The following NREP variants were observed in gnomAD, a reference collection of about 807,000 sequenced individuals.
NREP encodes neuronal regeneration-related protein.
A neutral mutation model predicts 8.6 loss-of-function variants in NREP; 5 were observed. That is an observed-to-expected ratio of 0.58 (90% confidence interval 0.30 to 1.22). The LOEUF (loss-of-function observed/expected upper bound fraction) is 1.22. Ranked by LOEUF, NREP falls within the 50% of genes most tolerant of loss-of-function variation. The probability of loss-of-function intolerance (pLI) is 0.07; values close to 1 mark genes in which losing one functional copy is unlikely to be tolerated. For missense variants in NREP, 86 were observed against 82.5 expected (o/e 1.04, Z -0.17); for synonymous variants, 27 against 28.0 (o/e 0.96, Z 0.11).
intron 2 of NREP, among the ~76,000 whole-genome samples, chr5:111,771,452 CACACACACACACAT>C (rs1751225382): frequency 6.6e-6 from 1 of 151,714 alleles, no homozygotes; most frequent in Non-Finnish European, 1.5e-5. Context: ...CACACACACA[CACACACACACACAT>C]ATGCACACTT....
chr5:111,967,954 T>C (rs971935678), intron 2 of NREP, among the ~76,000 whole-genome samples: 2 of 152,170 alleles, frequency 1.3e-5, no homozygotes, highest in Non-Finnish European at 2.9e-5. Flanking sequence ...GAAACTCCTA[T>C]TAGGTTGGTG....
chr5:111,730,949 G>A lies in NREP; in HGVS notation c.179C>T (p.Pro60Leu), dbSNP rs1280912253. The A allele has an allele frequency of 8.7e-6, 14 of 1,613,766 alleles. No individual in the cohort carries two copies. Among genetic ancestry groups the A allele is most frequent in the Non-Finnish European group, 1.0e-5 (12 of 1,179,828 alleles). Reference protein sequence around the residue: ...TPLGSSELRSPRISYLHFF With the variant: ...TPLGSSELRSLRISYLHFF The stretch of plus-strand genomic sequence containing the variant: ...AAAAAAGTGGAGGTAACTGATTCTT[G>A]GGGAGCGGAGTTCACTGCTGCCCAG... Residue 60 changes from proline to leucine, a missense_variant, in exon 4 of 4, where the codon CCA (proline) becomes CTA (leucine). Coordinates refer to ENST00000257435, the MANE Select transcript of NREP (RefSeq NM_004772.4).
intron 2 of NREP, chr5:111,739,587 C>T (rs557659664): frequency 6.6e-6 from 1 of 152,154 alleles, no homozygotes; most frequent in Admixed American, 6.6e-5. Flanking sequence ...TGTAAAGCTG[C>T]CCATTCTTCT....
intron 2 of NREP, among the ~76,000 whole-genome samples, chr5:111,934,192 G>A (rs1403896095): frequency 6.6e-6 from 1 of 152,038 alleles, no homozygotes; most frequent in Non-Finnish European, 1.5e-5. Flanking sequence ...GGTGAATGTT[G>A]TCTCAAGATA....
intron 2 of NREP, among the ~76,000 whole-genome samples, chr5:111,954,311 G>A (rs2112640132): frequency 6.6e-6 from 1 of 152,058 alleles, no homozygotes; most frequent in Non-Finnish European, 1.5e-5. Context: ...ACTTCTTTGG[G>A]TTAGAAAAAA....
intron 2 of NREP, among the ~76,000 whole-genome samples, chr5:111,909,746 A>G (rs1754864026): frequency 6.6e-6 from 1 of 152,112 alleles, no homozygotes; most frequent in Admixed American, 6.6e-5. Flanking sequence ...TTCATTTTCT[A>G]ACACGAAATC....
rs913835826 is a variant in NREP at position 111,924,128 on chromosome 5, C to A, written c.135+51146G>T. Among the ~76,000 whole-genome samples the A allele has an allele frequency of 2.6e-5, 4 of 152,122 alleles. No homozygotes were observed. The East Asian group carries it at 7.7e-4, about 29-fold the overall frequency. The stretch of plus-strand genomic sequence containing the variant: ...AATGCTCTGGACCCTTCAGATAACA[C>A]TAAACCCGGGTACTTCACTGAGGTT... On this transcript the variant is annotated intron_variant, in intron 2 of 3. Coordinates refer to the NREP transcript ENST00000395634.
chr5:111,946,388 A>G (rs1755984160), intron 2 of NREP, among the ~76,000 whole-genome samples: 1 of 152,056 alleles, frequency 6.6e-6, no homozygotes, highest in South Asian at 2.1e-4. Flanking sequence ...TAATCTATAC[A>G]TGTATGAAGA....
At chr5:111,833,505 G>A (rs1752823051) in intron 2 of NREP, among the ~76,000 whole-genome samples, 1 of 152,160 alleles carries the variant, frequency 6.6e-6, no homozygotes, top group Non-Finnish European at 1.5e-5. Context: ...CTGGATTAAT[G>A]CCTCAGGCCA....
At chr5:111,896,974 A>G (rs951187717) in intron 2 of NREP, among the ~76,000 whole-genome samples, 3 of 152,162 alleles carry the variant, frequency 2.0e-5, no homozygotes, top group African/African-American at 7.2e-5. Flanking sequence ...GTTTATCATC[A>G]TATGTTTCAT....
intron 2 of NREP, among the ~76,000 whole-genome samples, chr5:111,909,590 C>T (rs1173718794): frequency 1.3e-5 from 2 of 152,012 alleles, no homozygotes; most frequent in Admixed American, 6.6e-5. Context: ...GTCCAAGTGT[C>T]TTCTAAGTCT....
intron 2 of NREP, among the ~76,000 whole-genome samples, chr5:111,763,278 A>C (rs1295922974): frequency 2.0e-5 from 3 of 152,234 alleles, no homozygotes; most frequent in African/African-American, 4.8e-5. Flanking sequence ...CAATGAGAGG[A>C]GGAAAAATAG....
intron 2 of NREP, among the ~76,000 whole-genome samples, chr5:111,936,203 T>C (rs1755677815): frequency 6.6e-6 from 1 of 152,100 alleles, no homozygotes; most frequent in Admixed American, 6.6e-5. Flanking sequence ...GAATGGTAAT[T>C]CCCATAATTT....
chr5:111,899,707 C>G (rs1754596882), intron 2 of NREP, among the ~76,000 whole-genome samples: 1 of 152,114 alleles, frequency 6.6e-6, no homozygotes, highest in Non-Finnish European at 1.5e-5. Context: ...CTCACTTTAA[C>G]TCTAAAGACA....
intron 2 of NREP, among the ~76,000 whole-genome samples, chr5:111,881,588 G>C (rs550773904): frequency 1.4e-4 from 21 of 152,228 alleles, no homozygotes; most frequent in South Asian, 1.0e-3. Context: ...CCCCAGTAGG[G>C]GCAGACTGAC....
chr5:111,902,761 G>A (rs940100623), intron 2 of NREP, among the ~76,000 whole-genome samples: 1 of 152,096 alleles, frequency 6.6e-6, no homozygotes, highest in Non-Finnish European at 1.5e-5. Context: ...CCATGACAAT[G>A]TTCCTGCTCC....
intron 2 of NREP, among the ~76,000 whole-genome samples, chr5:111,804,635 C>T (rs1752093154): frequency 6.6e-6 from 1 of 151,898 alleles, no homozygotes; most frequent in Admixed American, 6.6e-5. Context: ...ATATACAGTT[C>T]AGGGAAAGCG....
At chr5:111,741,834 CACACA>C (rs1425684998) in intron 2 of NREP, among the ~76,000 whole-genome samples, 1 of 151,424 alleles carries the variant, frequency 6.6e-6, no homozygotes, top group Non-Finnish European at 1.5e-5. Context: ...TACACACACA[CACACA>C]CACACACACA....
chr5:111,828,749 TCAAA>T (rs1484880837), intron 2 of NREP, among the ~76,000 whole-genome samples: 6 of 152,172 alleles, frequency 3.9e-5, no homozygotes, highest in Admixed American at 6.6e-5. Flanking sequence ...ACTTACTGCC[TCAAA>T]CAATTTGTTG....
Sources: gnomAD v4.1 joint callset for allele counts (sites outside exome capture counted in the v4.1 genomes callset) on GRCh38, gnomAD v4.1.1 for gene constraint, MANE v1.5 for transcripts, NCBI Gene and HGNC (gene_info 2026-07-23, HGNC 2026-07-21) for gene names.